The following UNC13C variants were observed in gnomAD, a reference collection of about 807,000 sequenced individuals.
The protein encoded by UNC13C is protein unc-13 homolog C.
Under a neutral mutation model 245.4 loss-of-function variants are expected in UNC13C, and 174 were observed. The ratio of observed to expected loss-of-function variants is 0.71; its 90% CI spans 0.63 to 0.80. The LOEUF is 0.80. UNC13C is among the 30% of genes least tolerant of loss of function. UNC13C has a pLI of 0.00. For synonymous variants in UNC13C, 992 were observed against 895.1 expected (o/e 1.11, Z -1.93); for missense variants, 2,829 against 2,602.9 (o/e 1.09, Z -1.89).
At chr15:54,325,580 GC>G (rs1277804323) in intron 14 of UNC13C, among the ~76,000 whole-genome samples, 1 of 151,758 alleles carries the variant, frequency 6.6e-6, no homozygotes, top group African/African-American at 2.4e-5. Flanking sequence ...CCCTCGACAG[GC>G]CCCGGTGTGT....
chr15:54,427,799 G>T (rs2040789376), intron 19 of UNC13C, among the ~76,000 whole-genome samples: 1 of 151,630 alleles, frequency 6.6e-6, no homozygotes, highest in African/African-American at 2.4e-5. Context: ...TATACCTACA[G>T]GTCAATTTTT....
chr15:54,632,542 A>G (rs538613686), downstream of UNC13C: 2 of 152,336 alleles, frequency 1.3e-5, no homozygotes, highest in African/African-American at 4.8e-5. Flanking sequence ...TTCATCTATA[A>G]TTATTAAATT....
chr15:54,168,197 A>C (rs532086945), intron 4 of UNC13C, among the ~76,000 whole-genome samples: 12 of 152,350 alleles, frequency 7.9e-5, no homozygotes, highest in Admixed American at 2.6e-4. Context: ...TAGCTTTAAA[A>C]TATACTTGAC....
intron 19 of UNC13C, among the ~76,000 whole-genome samples, chr15:54,415,763 C>G (rs533840307): frequency 1.8e-4 from 27 of 152,220 alleles, no homozygotes; most frequent in Middle Eastern, 6.8e-3. Flanking sequence ...AACAAGATAG[C>G]CCTGGTCCCC....
chr15:54,211,015 T>A (rs1358551492), intron 4 of UNC13C, among the ~76,000 whole-genome samples: 1 of 152,086 alleles, frequency 6.6e-6, no homozygotes, highest in African/African-American at 2.4e-5. Flanking sequence ...TAGCAAGACG[T>A]AAAGAAATGC....
intron 2 of UNC13C, among the ~76,000 whole-genome samples, chr15:54,129,111 G>A (rs1043983941): frequency 6.6e-6 from 1 of 152,142 alleles, no homozygotes; most frequent in African/African-American, 2.4e-5. Flanking sequence ...TACATATAAT[G>A]ACCAGAATTG....
intron 7 of UNC13C, among the ~76,000 whole-genome samples, chr15:54,239,016 A>G (rs188335183): frequency 3.9e-5 from 6 of 152,266 alleles, no homozygotes; most frequent in African/African-American, 1.4e-4. Context: ...GTTCCGGTAA[A>G]TGTGTCTTGC....
intron 2 of UNC13C, among the ~76,000 whole-genome samples, chr15:54,094,550 T>C (rs1420701734): frequency 1.3e-5 from 2 of 152,200 alleles, no homozygotes; most frequent in Admixed American, 1.3e-4. Context: ...AAAACAACTG[T>C]TTGTCTTCTA....
chr15:54,047,782 C>T (rs375017497), intron 2 of UNC13C, among the ~76,000 whole-genome samples: 12 of 152,132 alleles, frequency 7.9e-5, no homozygotes, highest in African/African-American at 1.4e-4. Flanking sequence ...ATAAACTTTT[C>T]GAGGCATTTC....
intron 4 of UNC13C, among the ~76,000 whole-genome samples, chr15:54,202,339 C>T (rs1185883002): frequency 6.6e-6 from 1 of 151,690 alleles, no homozygotes; most frequent in African/African-American, 2.4e-5. Context: ...CATATGGAAC[C>T]AAAAAAGAGA....
intron 17 of UNC13C, among the ~76,000 whole-genome samples, chr15:54,392,195 C>T (rs1186284269): frequency 6.6e-6 from 1 of 151,932 alleles, no homozygotes; most frequent in Non-Finnish European, 1.5e-5. Context: ...GAGGAACACC[C>T]ACCAAAATAA....
At chr15:54,258,386 C>G (rs762346958) in intron 8 of UNC13C, among the ~76,000 whole-genome samples, 15 of 152,004 alleles carry the variant, frequency 9.9e-5, no homozygotes, top group Admixed American at 3.9e-4. Context: ...TTTTTTGAGA[C>G]AAAGTCCCAC....
At chr15:54,434,288 T>C (rs1039452585) in intron 19 of UNC13C, among the ~76,000 whole-genome samples, 5 of 152,014 alleles carry the variant, frequency 3.3e-5, no homozygotes, top group Admixed American at 2.0e-4. Context: ...AAGACAATCC[T>C]AAGCAAAAAA....
At chr15:54,145,750 T>C (rs2032228285) in intron 4 of UNC13C, among the ~76,000 whole-genome samples, 1 of 152,248 alleles carries the variant, frequency 6.6e-6, no homozygotes, top group Non-Finnish European at 1.5e-5. Flanking sequence ...ATGTTATAGA[T>C]TCTGCACCTC....
chr15:53,995,438 T>C (rs1196720748), intron 1 of UNC13C, among the ~76,000 whole-genome samples: 1 of 152,078 alleles, frequency 6.6e-6, no homozygotes, highest in Non-Finnish European at 1.5e-5. Context: ...TTTCCCCTCT[T>C]GTTCCTCTTG....
chr15:54,178,046 TTCCTC>T (rs1456859939), intron 4 of UNC13C, among the ~76,000 whole-genome samples: 4 of 152,272 alleles, frequency 2.6e-5, no homozygotes, highest in South Asian at 2.1e-4. Flanking sequence ...ATACCCTACT[TTCCTC>T]TATCTTTCCC....
chr15:54,471,359 T>C (rs1269465702), intron 19 of UNC13C, among the ~76,000 whole-genome samples: 5 of 151,658 alleles, frequency 3.3e-5, no homozygotes. Flanking sequence ...ATGAGATCTG[T>C]AGTTGCATAT....
intron 25 of UNC13C, among the ~76,000 whole-genome samples, chr15:54,530,308 A>C (rs996000510): frequency 1.3e-5 from 2 of 152,124 alleles, no homozygotes; most frequent in Non-Finnish European, 2.9e-5. Context: ...GTCTGTGTGC[A>C]TGTGTGTGTA....
chr15:54,050,585 C>T, intron 2 of UNC13C: 1 of 427,756 alleles, frequency 2.3e-6, no homozygotes. Flanking sequence ...CACTTTTTTC[C>T]ACTCTTTCTA....
Sources: gnomAD v4.1 joint callset for allele counts (sites outside exome capture counted in the v4.1 genomes callset) on GRCh38, gnomAD v4.1.1 for gene constraint, MANE v1.5 for transcripts, NCBI Gene and HGNC (gene_info 2026-07-23, HGNC 2026-07-21) for gene names.